MOCOS: variants seen among roughly 807,000 people sequenced by gnomAD.
MOCOS encodes molybdenum cofactor sulfurase.
MOCOS carries 86 observed loss-of-function variants against 83.6 expected under a neutral mutation model. The ratio of observed to expected loss-of-function variants is 1.03; its 90% CI spans 0.86 to 1.23. The LOEUF is 1.23. Among genes scored for constraint, MOCOS ranks in the 50% most tolerant of loss-of-function variants. The pLI, the probability that MOCOS is intolerant of heterozygous loss-of-function variation, is 0.00. For missense variants in MOCOS, 1,120 were observed against 1,126.9 expected (o/e 0.99, Z 0.09); for synonymous variants, 445 against 434.7 (o/e 1.02, Z -0.29).
rs1007711944 is a variant in MOCOS at position 36,187,534 on chromosome 18, G to C, written c.-6G>C. 7.3e-6 allele frequency: 9 copies of C among 1,234,766 alleles called. No individual in the cohort carries two copies. The highest frequency in any genetic ancestry group is 3.2e-5 in the East Asian group (1 of 31,720). The allele number at this position is 1,234,766 out of a possible 1,614,324, so 76.5% of individuals were successfully genotyped here. On this transcript the variant is annotated 5_prime_UTR_variant, in exon 1 of 15. Coordinates refer to ENST00000261326, the MANE Select transcript of MOCOS (RefSeq NM_017947.4). ...CCCGGCCGGCCTGGATGGACTAGCC[G>C]GGGCCATGGCCGGCGCGGCGGCGGA...
intron 9 of MOCOS, among the ~76,000 whole-genome samples, chr18:36,229,812 A>G (rs1378362549): frequency 1.3e-5 from 2 of 151,826 alleles, no homozygotes; most frequent in African/African-American, 4.8e-5. Context: ...TAAATTTTTT[A>G]GTTCAGTTAC....
chr18:36,268,126 A>T (rs1437179122), intron 14 of MOCOS, among the ~76,000 whole-genome samples: 1 of 152,210 alleles, frequency 6.6e-6, no homozygotes, highest in Non-Finnish European at 1.5e-5. Flanking sequence ...AACTTGCATC[A>T]TTCTTTCTCA....
intron 6 of MOCOS, among the ~76,000 whole-genome samples, chr18:36,211,749 A>G (rs1392071210): frequency 1.3e-5 from 2 of 152,110 alleles, no homozygotes; most frequent in Non-Finnish European, 2.9e-5. Flanking sequence ...TCTTCTGCTC[A>G]CATCCTCTCC....
chr18:36,205,194 A>C lies in MOCOS; in HGVS notation c.1136A>C (p.Glu379Ala). 6.2e-7 allele frequency: 1 copy of C among 1,613,900 alleles called. No homozygotes were observed. Among genetic ancestry groups the C allele is most frequent in the Non-Finnish European group, 8.5e-7 (1 of 1,179,946 alleles). ...APVVRIYSDS[E>A]FSSPEVQGPI... Reference sequence around the variant, plus strand: ...GTGGTGCGGATTTACAGCGATTCTGAGTTCAGCAGCCCTGAGGTTCAGGGC... The same window carrying C: ...GTGGTGCGGATTTACAGCGATTCTGCGTTCAGCAGCCCTGAGGTTCAGGGC... The change falls in exon 6 of 15, where the codon GAG (glutamate) becomes GCG (alanine). Residue 379 changes from glutamate (E) to alanine (A), a missense_variant. Transcript: ENST00000261326.
At chr18:36,225,215 G>C (rs1423199715) in intron 9 of MOCOS, among the ~76,000 whole-genome samples, 1 of 151,962 alleles carries the variant, frequency 6.6e-6, no homozygotes, top group Non-Finnish European at 1.5e-5. Flanking sequence ...GCAGTGGCAC[G>C]ATCTCGGCTC....
chr18:36,250,561 C>T (rs1177819012), intron 10 of MOCOS, among the ~76,000 whole-genome samples: 2 of 152,302 alleles, frequency 1.3e-5, no homozygotes, highest in East Asian at 3.9e-4. Flanking sequence ...GAGTGAAGCA[C>T]ACTCTACATC....
rs144518175 is a variant in MOCOS, at chr18:36,252,766, T to C, written c.2164+1483T>C. Among the ~76,000 whole-genome samples the C allele has an allele frequency of 3.9e-5, 6 of 152,326 alleles. No individual in the cohort carries two copies. The East Asian group carries it at 1.2e-3, about 29-fold the overall frequency. On this transcript the variant is annotated intron_variant, in intron 11 of 14. Coordinates refer to ENST00000261326, the MANE Select transcript of MOCOS (RefSeq NM_017947.4). ...ATAAACCAAATGGCATTTGACCATA[T>C]ATGGACTGAAAACTGGGTCTAAGGC...
intron 6 of MOCOS, among the ~76,000 whole-genome samples, chr18:36,210,408 T>G (rs1294690849): frequency 6.6e-6 from 1 of 152,150 alleles, no homozygotes; most frequent in Non-Finnish European, 1.5e-5. Context: ...CTGTCAGTAC[T>G]GGCAGAACCA....
At chr18:36,250,669 A>G (rs1313013172) in intron 10 of MOCOS, among the ~76,000 whole-genome samples, 1 of 152,206 alleles carries the variant, frequency 6.6e-6, no homozygotes, top group Non-Finnish European at 1.5e-5. Flanking sequence ...ATTCTAGAGG[A>G]TTCTTGAGTT....
At chr18:36,208,191 A>C (rs915100946) in intron 6 of MOCOS, among the ~76,000 whole-genome samples, 23 of 152,344 alleles carry the variant, frequency 1.5e-4, no homozygotes, top group Admixed American at 5.9e-4. Flanking sequence ...TGTTTTGATT[A>C]CTGTAGCCTT....
chr18:36,203,053 AAATGCACATGG>A, intron 4 of MOCOS, 49 bp from the exon 5 acceptor site: 2 of 1,514,858 alleles, frequency 1.3e-6, no homozygotes, highest in African/African-American at 1.4e-5. Flanking sequence ...ATATACCACG[AAATGCACATGG>A]ATTGTTTTGA....
intron 9 of MOCOS, among the ~76,000 whole-genome samples, chr18:36,247,701 C>T (rs1246485492): frequency 6.7e-6 from 1 of 149,476 alleles, no homozygotes; most frequent in Non-Finnish European, 1.5e-5. Context: ...GATGTGTGTT[C>T]GGAGACCAAC....
chr18:36,254,498 GTA>G (rs1491459713), intron 11 of MOCOS, among the ~76,000 whole-genome samples: 5 of 60,018 alleles, frequency 8.3e-5, no homozygotes, highest in East Asian at 5.1e-4. Context: ...GTGTGTGTGT[GTA>G]TAGAGAGAGA....
At chr18:36,219,314 A>AT (rs1392918433) in intron 8 of MOCOS, among the ~76,000 whole-genome samples, 2 of 151,784 alleles carry the variant, frequency 1.3e-5, no homozygotes, top group Admixed American at 6.6e-5. Flanking sequence ...GATTTTTTGT[A>AT]TTTTTAGTAG....
chr18:36,194,206 T>TTAG (rs35539605), intron 1 of MOCOS, among the ~76,000 whole-genome samples: 1 of 152,112 alleles, frequency 6.6e-6, no homozygotes, highest in Non-Finnish European at 1.5e-5. Context: ...TATTCTAAAA[T>TTAG]TGGTATTTAT....
chr18:36,250,695 G>T (rs1435658844), intron 10 of MOCOS, among the ~76,000 whole-genome samples: 1 of 152,148 alleles, frequency 6.6e-6, no homozygotes, highest in Non-Finnish European at 1.5e-5. Context: ...ACACCAGATT[G>T]GTAAATGCAG....
chr18:36,260,209 A>G lies in MOCOS; in HGVS notation c.2409+34A>G, dbSNP rs2091658741. On this transcript the variant is annotated intron_variant, in intron 13 of 14. Transcript: ENST00000261326. ...GGGGAAGTTCTATTATCCTTCCTCC[A>G]GGGTTGTCAATGAAGATTGACCTCA... The G allele has an allele frequency of 5.0e-6, 8 of 1,613,898 alleles. No homozygotes were observed. In the East Asian group the frequency reaches 1.3e-4, roughly 27 times the overall value.
chr18:36,208,733 A>G (rs2091443380), intron 6 of MOCOS, among the ~76,000 whole-genome samples: 1 of 152,198 alleles, frequency 6.6e-6, no homozygotes, highest in Admixed American at 6.5e-5. Context: ...TCATGTTATC[A>G]GTGAAGAGAG....
chr18:36,200,757 A>T (rs1343390001), intron 4 of MOCOS, among the ~76,000 whole-genome samples: 3 of 152,240 alleles, frequency 2.0e-5, no homozygotes, highest in African/African-American at 7.2e-5. Flanking sequence ...CATTGACAGC[A>T]TAGCTGGTTC....
Sources: gnomAD v4.1 joint callset for allele counts (sites outside exome capture counted in the v4.1 genomes callset) on GRCh38, gnomAD v4.1.1 for gene constraint, MANE v1.5 for transcripts, NCBI Gene and HGNC (gene_info 2026-07-23, HGNC 2026-07-21) for gene names.